RP1: variants seen among roughly 807,000 people sequenced by gnomAD.
The protein encoded by RP1 is oxygen-regulated protein 1.
RP1 carries 16 observed loss-of-function variants against 14.8 expected under a neutral mutation model. That is an observed-to-expected ratio of 1.08 (90% CI 0.73 to 1.65). RP1 has a LOEUF of 1.65. RP1 is among the 40% of genes most tolerant of loss of function. RP1 has a pLI of 0.00. For missense variants in RP1, 2,631 were observed against 2,535.0 expected (o/e 1.04, Z -0.81); for synonymous variants, 876 against 883.6 (o/e 0.99, Z 0.15).
chr8:54,641,433 G>T (rs1317213485), intron 3 of RP1, among the ~76,000 whole-genome samples: 1 of 151,988 alleles, frequency 6.6e-6, no homozygotes, highest in Non-Finnish European at 1.5e-5. Flanking sequence ...TAATAAATTT[G>T]TCCTCTGAAA....
intron 23 of RP1, among the ~76,000 whole-genome samples, chr8:54,783,063 C>T (rs1276448580): frequency 6.6e-6 from 1 of 152,092 alleles, no homozygotes; most frequent in Non-Finnish European, 1.5e-5. Flanking sequence ...AAAGAAAGTT[C>T]TTTTTTGCCT....
At chr8:54,598,635 A>G (rs1433041649) in intron 1 of RP1, among the ~76,000 whole-genome samples, 1 of 151,930 alleles carries the variant, frequency 6.6e-6, no homozygotes, top group African/African-American at 2.4e-5. Flanking sequence ...TCCTTCAGTC[A>G]TTCTTTTAGA....
At chr8:54,600,246 C>T (rs1805244139) in intron 1 of RP1, among the ~76,000 whole-genome samples, 1 of 152,148 alleles carries the variant, frequency 6.6e-6, no homozygotes, top group Non-Finnish European at 1.5e-5. Context: ...CTCTTGCCTG[C>T]CATAATGTAA....
intron 15 of RP1, among the ~76,000 whole-genome samples, chr8:54,706,976 G>C (rs1808166377): frequency 6.6e-6 from 1 of 152,176 alleles, no homozygotes; most frequent in Non-Finnish European, 1.5e-5. Flanking sequence ...AGCTGTGGCT[G>C]CTGATGCTGG....
At chr8:54,769,704 CCTCT>C (rs1809854975) in intron 22 of RP1, 8 of 1,298,690 alleles carry the variant, frequency 6.2e-6, no homozygotes, top group African/African-American at 1.5e-5. Context: ...TCTATTTTCT[CCTCT>C]CTCTTTCTTT....
In RP1 at chr8:54,663,739, G is replaced by A; in HGVS notation, c.1212G>A (p.Trp404Ter). 6.5e-7 allele frequency: 1 copy of A among 1,534,042 alleles called. No individual in the cohort carries two copies. The highest frequency in any genetic ancestry group is 1.4e-5 in the African/African-American group (1 of 72,994). The stretch of plus-strand genomic sequence containing the variant: ...TGAATGTGGCAACGGGTGAGCTATG[G>A]AATGCTGGAACAGTAGCAAACGTCT... The change falls in exon 7 of 23, where the codon TGG (tryptophan) becomes TGA (stop). Residue 404 changes from tryptophan to a stop codon, truncating the protein, a stop_gained. Coordinates refer to the RP1 transcript ENST00000636932. LOFTEE classifies it high-confidence loss of function.
intron 24 of RP1, among the ~76,000 whole-genome samples, chr8:54,817,864 T>TATA (rs1242193213): frequency 6.6e-6 from 1 of 152,200 alleles, no homozygotes; most frequent in African/African-American, 2.4e-5. Flanking sequence ...GTGGTAGTAT[T>TATA]GCAAAGTTCC....
At chr8:54,569,686 T>C (rs556599910) in intron 1 of RP1, among the ~76,000 whole-genome samples, 1 of 152,204 alleles carries the variant, frequency 6.6e-6, no homozygotes, top group Non-Finnish European at 1.5e-5. Flanking sequence ...ACAGATTCAC[T>C]GAGGGCCCAG....
chr8:54,607,779 A>G (rs754383472), intron 1 of RP1, among the ~76,000 whole-genome samples: 5 of 152,126 alleles, frequency 3.3e-5, no homozygotes, highest in Non-Finnish European at 7.3e-5. Flanking sequence ...GCCACCTTGC[A>G]GTTTGATCTC....
At chr8:54,688,695 A>G (rs985568771) in intron 12 of RP1, among the ~76,000 whole-genome samples, 6 of 152,176 alleles carry the variant, frequency 3.9e-5, no homozygotes, top group African/African-American at 9.7e-5. Flanking sequence ...TACCAGTACC[A>G]TGCTGTTTTG....
intron 6 of RP1, among the ~76,000 whole-genome samples, chr8:54,662,577 G>T (rs1339712552): frequency 1.3e-5 from 2 of 152,106 alleles, no homozygotes; most frequent in African/African-American, 4.8e-5. Context: ...TAAAAAAATG[G>T]TAGCATGTCT....
chr8:54,740,021 T>C (rs1809033611), intron 19 of RP1, among the ~76,000 whole-genome samples: 1 of 150,924 alleles, frequency 6.6e-6, no homozygotes, highest in Non-Finnish European at 1.5e-5. Context: ...AAGCAACTGT[T>C]ACTGGGATGT....
chr8:54,781,190 G>C, intron 23 of RP1: 1 of 256,970 alleles, frequency 3.9e-6, no homozygotes, highest in Non-Finnish European at 6.1e-6. Flanking sequence ...GGCACAGCCT[G>C]AGTTAGATTG....
intron 24 of RP1, among the ~76,000 whole-genome samples, chr8:54,799,461 T>C (rs1462267773): frequency 6.6e-6 from 1 of 152,046 alleles, no homozygotes; most frequent in Non-Finnish European, 1.5e-5. Flanking sequence ...CATTTCACTA[T>C]GTTTAGACCA....
intron 6 of RP1, chr8:54,656,243 T>C: frequency 3.3e-6 from 5 of 1,522,698 alleles, no homozygotes; most frequent in Non-Finnish European, 4.4e-6. Flanking sequence ...CCAGGTAGCA[T>C]GGATAAAACT....
intron 1 of RP1, among the ~76,000 whole-genome samples, chr8:54,572,560 G>A (rs1049215766): frequency 1.3e-5 from 2 of 152,180 alleles, no homozygotes; most frequent in South Asian, 2.1e-4. Context: ...GGTTCTTTTC[G>A]TGTTGAAAGC....
In RP1 at chr8:54,621,376, C is replaced by A; in HGVS notation, c.410C>A (p.Ser137Ter). The A allele has an allele frequency of 6.2e-7, 1 of 1,612,826 alleles. No homozygotes were observed. The highest frequency in any genetic ancestry group is 2.2e-5 in the East Asian group (1 of 44,856). ...AGCAGCCGGGCCATTAGCGCGCACT[C>A]ACCGCCCCACCCCGTAGCCGTCGCT... is the stretch of plus-strand genomic sequence containing the variant. The part of the protein sequence containing the change: ...WLSSRAISAH[S>*]PPHPVAVAAP... Residue 137 changes from serine to a stop codon, truncating the protein, a stop_gained, in exon 2 of 4, where the codon TCA becomes TAA. Transcript: ENST00000220676. LOFTEE classifies it high-confidence loss of function.
chr8:54,765,691 T>G (rs891324748), intron 22 of RP1, among the ~76,000 whole-genome samples: 2 of 152,200 alleles, frequency 1.3e-5, no homozygotes, highest in African/African-American at 4.8e-5. Flanking sequence ...TTATATTCTT[T>G]CTTCTGCTTA....
intron 3 of RP1, among the ~76,000 whole-genome samples, chr8:54,645,591 G>T (rs1368073466): frequency 6.6e-6 from 1 of 151,998 alleles, no homozygotes; most frequent in Non-Finnish European, 1.5e-5. Context: ...TAGTTGATGT[G>T]GTTTTCTAAT....
Sources: gnomAD v4.1 joint callset for allele counts (sites outside exome capture counted in the v4.1 genomes callset) on GRCh38, gnomAD v4.1.1 for gene constraint, MANE v1.5 for transcripts, NCBI Gene and HGNC (gene_info 2026-07-23, HGNC 2026-07-21) for gene names.